HTR4: variants seen among roughly 807,000 people sequenced by gnomAD.
HTR4 encodes 5-hydroxytryptamine (serotonin) receptor 4, G protein-coupled.
HTR4 carries 16 observed loss-of-function variants against 36.8 expected under a neutral mutation model. The ratio of observed to expected loss-of-function variants is 0.43; its 90% CI spans 0.29 to 0.66. HTR4 has a LOEUF of 0.66. HTR4 is among the 30% of genes least tolerant of loss of function. The pLI, the probability that HTR4 is intolerant of heterozygous loss-of-function variation, is 0.13. For missense variants in HTR4, 438 were observed against 490.9 expected, an observed-to-expected ratio of 0.89 and a Z score of 1.02; for synonymous variants, 189 against 185.1, an observed-to-expected ratio of 1.02 and a Z score of -0.17.
intron 4 of HTR4, among the ~76,000 whole-genome samples, chr5:148,530,300 G>T (rs978537723): frequency 6.6e-6 from 1 of 152,124 alleles, no homozygotes; most frequent in African/African-American, 2.4e-5. Context: ...TCTATCACAG[G>T]CCTGGAAGCC....
At chr5:148,543,557 C>T (rs1759226171) in intron 4 of HTR4, among the ~76,000 whole-genome samples, 2 of 152,152 alleles carry the variant, frequency 1.3e-5, no homozygotes, top group South Asian at 4.1e-4. Flanking sequence ...AATAAGTCTG[C>T]TTATTACATA....
chr5:148,539,434 C>A (rs1758998633), intron 4 of HTR4, among the ~76,000 whole-genome samples: 1 of 151,954 alleles, frequency 6.6e-6, no homozygotes, highest in African/African-American at 2.4e-5. Flanking sequence ...GCAAACAGAC[C>A]CTACAGAATA....
intron 4 of HTR4, among the ~76,000 whole-genome samples, chr5:148,530,107 A>G (rs2113810472): frequency 6.6e-6 from 1 of 152,376 alleles, no homozygotes; most frequent in African/African-American, 2.4e-5. Flanking sequence ...TAAGGAAAGC[A>G]GAGCATAAAA....
At chr5:148,528,477 G>T (rs762314475) in intron 4 of HTR4, among the ~76,000 whole-genome samples, 1 of 151,630 alleles carries the variant, frequency 6.6e-6, no homozygotes, top group African/African-American at 2.4e-5. Flanking sequence ...CTTTGCTTTC[G>T]AGCAAAAAAT....
intron 2 of HTR4, among the ~76,000 whole-genome samples, chr5:148,617,143 A>T (rs1752727803): frequency 1.3e-5 from 2 of 152,140 alleles, no homozygotes; most frequent in East Asian, 3.9e-4. Context: ...ATTTCTCATA[A>T]ATGGTTTAAT....
intron 2 of HTR4, among the ~76,000 whole-genome samples, chr5:148,612,224 C>A (rs549785369): frequency 6.6e-6 from 1 of 152,020 alleles, no homozygotes; most frequent in Non-Finnish European, 1.5e-5. Context: ...ACAGAATATA[C>A]ATTTTTTTCA....
intron 5 of HTR4, among the ~76,000 whole-genome samples, chr5:148,467,849 T>C (rs1011839249): frequency 1.3e-5 from 2 of 152,212 alleles, no homozygotes; most frequent in African/African-American, 4.8e-5. Context: ...CAAACCATAA[T>C]TGTACAAAGC....
At chr5:148,625,672 C>T (rs149266458) in intron 2 of HTR4, among the ~76,000 whole-genome samples, 39 of 152,226 alleles carry the variant, frequency 2.6e-4, no homozygotes, top group African/African-American at 8.9e-4. Context: ...CCTCTGCCTC[C>T]CGGGTTCAAG....
At chr5:148,610,130 A>G (rs1331653532) in intron 2 of HTR4, among the ~76,000 whole-genome samples, 2 of 152,176 alleles carry the variant, frequency 1.3e-5, no homozygotes, top group East Asian at 3.8e-4. Flanking sequence ...TGAGAAAAAG[A>G]GTGAGTGGAG....
chr5:148,474,903 G>A (rs541380295), downstream of HTR4, among the ~76,000 whole-genome samples: 29 of 152,160 alleles, frequency 1.9e-4, no homozygotes, highest in African/African-American at 6.3e-4. Context: ...AAAATTAGCC[G>A]GGTGTGGAGG....
At chr5:148,620,325 AG>A in intron 2 of HTR4, among the ~76,000 whole-genome samples, 1 of 152,388 alleles carries the variant, frequency 6.6e-6, no homozygotes, top group African/African-American at 2.4e-5. Context: ...AACCAGGCAC[AG>A]GAATAAAGAA....
intron 5 of HTR4, chr5:148,451,377 C>CT: frequency 6.4e-7 from 1 of 1,570,226 alleles, no homozygotes. Context: ...TTGCATACTT[C>CT]TGAGGGTATG....
At position 148,654,497 on chromosome 5, in the gene HTR4, G is replaced by A; in HGVS notation, c.-483C>T. On this transcript the variant is annotated 5_prime_UTR_variant, in exon 1 of 7. Coordinates refer to ENST00000377888, the MANE Select transcript of HTR4 (RefSeq NM_000870.7). The stretch of plus-strand genomic sequence containing the variant: ...TCACCCGTTCCGGGCTGGCCAGCAC[G>A]CGCCCTCCCTGGCCGGAGCGCTGCT... 1.0e-6 allele frequency: 1 copy of A among 985,566 alleles called. No individual in the cohort carries two copies. Among genetic ancestry groups the A allele is most frequent in the Non-Finnish European group, 1.2e-6 (1 of 830,032 alleles). The allele number at this position is 985,566 out of a possible 1,614,324, so 61.1% of individuals were successfully genotyped here.
Position 148,636,973 on chromosome 5 carries a change from C to G in HTR4, c.26+16G>C. 6.6e-7 allele frequency: 1 copy of G among 1,525,478 alleles called. No homozygotes were observed. The allele number at this position is 1,525,478 out of a possible 1,614,324, so 94.5% of individuals were successfully genotyped here. A position where few individuals can be genotyped will look rare whatever the true frequency, so the allele number is the denominator to read the frequency against. On this transcript the variant is annotated intron_variant, in intron 2 of 6. Coordinates refer to ENST00000377888, the MANE Select transcript of HTR4 (RefSeq NM_000870.7). ...TTCTCAGTTTACAACACAATATGTA[C>G]AGAAAGGTAACATACCTCACATTAG...
intron 4 of HTR4, among the ~76,000 whole-genome samples, chr5:148,525,117 T>C (rs1386158147): frequency 6.6e-6 from 1 of 152,156 alleles, no homozygotes. Flanking sequence ...TTGTCTCCAT[T>C]ATAATTCTGA....
At chr5:148,604,599 A>G (rs192630510) in intron 2 of HTR4, among the ~76,000 whole-genome samples, 18 of 152,354 alleles carry the variant, frequency 1.2e-4, no homozygotes, top group Non-Finnish European at 2.2e-4. Context: ...AATCAAAACA[A>G]TTCAAAGGTC....
At chr5:148,523,442 G>T in intron 4 of HTR4, 96 bp from the exon 5 acceptor site, 1 of 980,950 alleles carries the variant, frequency 1.0e-6, no homozygotes, top group East Asian at 2.8e-5. Context: ...GGAGGAAGAG[G>T]GGATGGAGCA....
At chr5:148,454,817 T>A (rs545373833) in intron 5 of HTR4, among the ~76,000 whole-genome samples, 1 of 152,096 alleles carries the variant, frequency 6.6e-6, no homozygotes, top group Admixed American at 6.5e-5. Context: ...TCATGACGGG[T>A]GAGCGCAGGC....
intron 1 of HTR4, among the ~76,000 whole-genome samples, chr5:148,639,954 A>G (rs917035773): frequency 6.6e-6 from 1 of 152,140 alleles, no homozygotes; most frequent in African/African-American, 2.4e-5. Context: ...CTACGTGTTA[A>G]TAAGTACCAG....
Sources: gnomAD v4.1 joint callset for allele counts (sites outside exome capture counted in the v4.1 genomes callset) on GRCh38, gnomAD v4.1.1 for gene constraint, MANE v1.5 for transcripts, NCBI Gene and HGNC (gene_info 2026-07-23, HGNC 2026-07-21) for gene names.